Variants in RGR observed in about 807,000 individuals in gnomAD.
RGR encodes the protein retinal G protein coupled receptor.
RGR carries 30 observed loss-of-function variants against 28.6 expected under a neutral mutation model. The ratio of observed to expected loss-of-function variants is 1.05; its 90% CI spans 0.78 to 1.42. The LOEUF (loss-of-function observed/expected upper bound fraction) is 1.42, where lower values mean the gene tolerates loss of function less well. RGR is among the 40% of genes most tolerant of loss of function. The probability of loss-of-function intolerance (pLI) is 0.00; values close to 1 mark genes in which losing one functional copy is unlikely to be tolerated. For missense variants in RGR, 404 were observed against 375.6 expected, an observed-to-expected ratio of 1.08 and a Z score of -0.62; for synonymous variants, 180 against 156.4, an observed-to-expected ratio of 1.15 and a Z score of -1.13.
chr10:84,254,183 G>C (rs1842853393), intron 4 of RGR, 143 bp from the exon 5 acceptor site: 4 of 759,142 alleles, frequency 5.3e-6, no homozygotes, highest in Non-Finnish European at 7.1e-6. Flanking sequence ...GTTCACCTGG[G>C]ACCCGGGAGC....
intron 2 of RGR, chr10:84,247,970 G>T (rs1450668584): frequency 7.2e-6 from 5 of 699,194 alleles, no homozygotes; most frequent in Non-Finnish European, 9.5e-6. Context: ...GAGATGGTAG[G>T]CTGTAGAGAT....
intron 6 of RGR, among the ~76,000 whole-genome samples, 165 bp from the exon 7 acceptor site, chr10:84,258,343 A>G (rs1006837199): frequency 2.6e-5 from 4 of 151,844 alleles, no homozygotes; most frequent in African/African-American, 9.7e-5. Context: ...GGCTCCATGG[A>G]CTCCGTGAGC....
intron 5 of RGR, among the ~76,000 whole-genome samples, chr10:84,257,281 C>G (rs1422669082): frequency 6.6e-6 from 1 of 152,182 alleles, no homozygotes; most frequent in Non-Finnish European, 1.5e-5. Context: ...ACAAGCCCCT[C>G]CCCCGCTGAT....
At chr10:84,257,456 C>T (rs1316424344) in intron 5 of RGR, among the ~76,000 whole-genome samples, 1 of 152,106 alleles carries the variant, frequency 6.6e-6, no homozygotes, top group Non-Finnish European at 1.5e-5. Context: ...AGACGCAGGC[C>T]AGGCACAGTG....
intron 1 of RGR, among the ~76,000 whole-genome samples, chr10:84,246,847 A>G (rs1243723853): frequency 6.6e-6 from 1 of 152,080 alleles, no homozygotes; most frequent in African/African-American, 2.4e-5. Flanking sequence ...GCATTGATCT[A>G]TTGTTTTTTG....
chr10:84,248,530 GC>G, intron 2 of RGR: 1 of 325,300 alleles, frequency 3.1e-6, no homozygotes, highest in Non-Finnish European at 5.9e-6. Flanking sequence ...GCCCTTTTAG[GC>G]TGGGGAGGCC....
intron 2 of RGR, 139 bp from the exon 3 acceptor site, chr10:84,248,783 T>C (rs1477150382): frequency 2.0e-6 from 3 of 1,513,160 alleles, no homozygotes; most frequent in South Asian, 1.1e-5. Context: ...CAACGCCTCA[T>C]AGGAAAGACA....
intron 5 of RGR, among the ~76,000 whole-genome samples, chr10:84,257,140 C>T (rs1842898504): frequency 1.3e-5 from 2 of 152,244 alleles, no homozygotes; most frequent in African/African-American, 4.8e-5. Flanking sequence ...CAGGCAAGAA[C>T]TTGAGCGTCA....
At position 84,258,019 on chromosome 10, in the gene RGR, C is replaced by T. The variant is rs757452777; in HGVS notation, c.744+13C>T. On this transcript the variant is annotated intron_variant, in intron 6 of 6. Coordinates refer to ENST00000652092, the MANE Select transcript of RGR (RefSeq NM_001012720.2). Reference sequence around the variant, plus strand: ...CAAACTGCAGATGGTACAGATACTTCTAGTACCTAAAACTAGACCCCTCTC... The same window carrying T: ...CAAACTGCAGATGGTACAGATACTTTTAGTACCTAAAACTAGACCCCTCTC... 3.8e-6 allele frequency: 6 copies of T among 1,596,300 alleles called. No individual in the cohort carries two copies. Among genetic ancestry groups the T allele is most frequent in the Non-Finnish European group, 5.2e-6 (6 of 1,163,994 alleles).
chr10:84,258,029 A>C, intron 6 of RGR, 23 bp downstream of exon 6: 1 of 1,555,626 alleles, frequency 6.4e-7, no homozygotes, highest in Non-Finnish European at 8.9e-7. Context: ...CTAGTACCTA[A>C]AACTAGACCC....
At position 84,248,895 on chromosome 10, in the gene RGR, GTCACTGGTGCC is replaced by G. The variant is rs1468660190; in HGVS notation, c.237-26_237-16del. The stretch of plus-strand genomic sequence containing the variant: ...GGAGGTGGAAAGGATCGGAGGAGAG[GTCACTGGTGCC>G]CAGTGTCTCCCACAGGCGCTGGCCC... On this transcript the variant is annotated splice_polypyrimidine_tract_variant and intron_variant, in intron 2 of 6. Transcript: ENST00000652092. 2 of 1,614,094 alleles carry G rather than the reference GTCACTGGTGCC, an allele frequency of 1.2e-6. No homozygotes were observed. Among genetic ancestry groups the G allele is most frequent in the African/African-American group, 1.3e-5 (1 of 74,946 alleles).
At chr10:84,254,713 C>T (rs1369195822) in intron 5 of RGR, among the ~76,000 whole-genome samples, 1 of 152,144 alleles carries the variant, frequency 6.6e-6, no homozygotes, top group Admixed American at 6.5e-5. Flanking sequence ...TAATCTCTAG[C>T]CAGCATCTGC....
chr10:84,252,880 G>GC lies in RGR; in HGVS notation c.384dup (p.Val129ArgfsTer28). Reference sequence around the variant, plus strand: ...AGGTAGCCAGCTGGCCTGGAACTCAGCCGTCTCTCTGGTGCTCTTCGTGTG... The same window carrying GC: ...AGGTAGCCAGCTGGCCTGGAACTCAGCCCGTCTCTCTGGTGCTCTTCGTGTG... On this transcript the variant is annotated frameshift_variant, in exon 4 of 7. Coordinates refer to ENST00000652092, the MANE Select transcript of RGR (RefSeq NM_001012720.2). LOFTEE classifies it high-confidence loss of function. 6.2e-7 allele frequency: 1 copy of GC among 1,614,096 alleles called. No individual in the cohort carries two copies. Among genetic ancestry groups the GC allele is most frequent in the Non-Finnish European group, 8.5e-7 (1 of 1,180,040 alleles).
At chr10:84,253,929 T>C (rs1281453447) in intron 4 of RGR, among the ~76,000 whole-genome samples, 1 of 152,196 alleles carries the variant, frequency 6.6e-6, no homozygotes, top group Non-Finnish European at 1.5e-5. Context: ...CTTCAACCAT[T>C]TCTTCAGTGA....
At chr10:84,256,898 G>A (rs1842894997) in intron 5 of RGR, among the ~76,000 whole-genome samples, 2 of 152,096 alleles carry the variant, frequency 1.3e-5, no homozygotes, top group African/African-American at 4.8e-5. Context: ...GGCTTCCCGA[G>A]ACCGCGTAGC....
intron 5 of RGR, 94 bp from the exon 6 acceptor site, chr10:84,257,799 C>G: frequency 9.8e-7 from 1 of 1,015,820 alleles, no homozygotes; most frequent in South Asian, 1.3e-5. Context: ...CCATGCTGCC[C>G]CGCCCTGCTG....
intron 3 of RGR, 89 bp downstream of exon 3, chr10:84,249,132 C>T (rs1229053201): frequency 6.4e-7 from 1 of 1,566,132 alleles, no homozygotes; most frequent in East Asian, 2.3e-5. Context: ...CTAGCTACTG[C>T]TCCGTGTTTC....
At chr10:84,256,495 C>A (rs1036740095) in intron 5 of RGR, among the ~76,000 whole-genome samples, 1 of 152,186 alleles carries the variant, frequency 6.6e-6, no homozygotes, top group East Asian at 1.9e-4. Flanking sequence ...AATCACAGTG[C>A]ATGAAAGAAA....
intron 3 of RGR, chr10:84,250,378 T>C: frequency 1.4e-6 from 1 of 717,394 alleles, no homozygotes; most frequent in Non-Finnish European, 2.6e-6. Flanking sequence ...CATATGCCTC[T>C]CTCCAGGCCA....
Sources: allele counts gnomAD v4.1 joint callset (sites outside exome capture counted in the v4.1 genomes callset), GRCh38; gene constraint gnomAD v4.1.1; transcripts MANE v1.5; gene names NCBI Gene and HGNC (gene_info 2026-07-23, HGNC 2026-07-21).